Variants in MDH1B observed in about 807,000 individuals in gnomAD.
MDH1B encodes the protein putative malate dehydrogenase 1B.
Under a neutral mutation model 61.4 loss-of-function variants are expected in MDH1B, and 60 were observed. That is an observed-to-expected ratio of 0.98 (90% CI 0.79 to 1.21). The LOEUF is 1.21. Among genes scored for constraint, MDH1B ranks in the 50% most tolerant of loss-of-function variants. The pLI is 0.00. For missense variants in MDH1B, 587 were observed against 632.1 expected (o/e 0.93, Z 0.76); for synonymous variants, 236 against 218.7 (o/e 1.08, Z -0.70).
rs1027453952 is a variant in MDH1B at position 206,738,314 on chromosome 2, G to A, written c.*169C>T. The A allele has an allele frequency of 5.4e-5, 24 of 443,214 alleles. No individual in the cohort carries two copies. Among genetic ancestry groups the A allele is most frequent in the Admixed American group, 4.5e-4 (11 of 24,424 alleles). The allele number at this position is 443,214 out of a possible 1,614,324, so 27.5% of individuals were successfully genotyped here. On this transcript the variant is annotated 3_prime_UTR_variant, in exon 12 of 12. Coordinates refer to ENST00000374412, the MANE Select transcript of MDH1B (RefSeq NM_001039845.3). Reference sequence around the variant, plus strand: ...GTGGATACAAGTAATGCAAAATGACGGAACTCTGACCTCTGTGCTGTCACA... The same window carrying A: ...GTGGATACAAGTAATGCAAAATGACAGAACTCTGACCTCTGTGCTGTCACA...
chr2:206,739,052 T>C (rs1687657835), intron 11 of MDH1B, among the ~76,000 whole-genome samples: 1 of 152,194 alleles, frequency 6.6e-6, no homozygotes. Flanking sequence ...TGCAGATTAC[T>C]TGTGTCAATT....
chr2:206,742,537 C>A (rs770888144), intron 9 of MDH1B, among the ~76,000 whole-genome samples: 2 of 152,048 alleles, frequency 1.3e-5, no homozygotes, highest in Non-Finnish European at 2.9e-5. Context: ...GACGGCCTCC[C>A]CTGAGGCAGT....
chr2:206,753,469 C>CT (rs1471480079), intron 5 of MDH1B, among the ~76,000 whole-genome samples: 3 of 152,032 alleles, frequency 2.0e-5, no homozygotes, highest in Admixed American at 2.0e-4. Context: ...CGTGAGTTGA[C>CT]TTTTTTGCAA....
At chr2:206,750,286 CCAT>C (rs1265085315) in intron 6 of MDH1B, among the ~76,000 whole-genome samples, 13 of 151,144 alleles carry the variant, frequency 8.6e-5, no homozygotes, top group African/African-American at 3.2e-4. Context: ...TGGGAGTAAT[CCAT>C]TTTATCTTCC....
intron 1 of MDH1B, among the ~76,000 whole-genome samples, chr2:206,762,704 G>A (rs1689172134): frequency 6.6e-6 from 1 of 152,084 alleles, no homozygotes; most frequent in African/African-American, 2.4e-5. Context: ...CTCACCCACT[G>A]CAATGTAGCA....
rs373691192 is a variant in MDH1B, at chr2:206,755,219, G to A, written c.700C>T (p.Pro234Ser). 25 of 1,614,032 alleles carry A rather than the reference G, an allele frequency of 1.5e-5. 1 individual carries two copies. Among genetic ancestry groups the A allele is most frequent in the Non-Finnish European group, 1.9e-5 (22 of 1,180,018 alleles). Residue 234 changes from proline to serine, a missense_variant, in exon 5 of 12, where the codon CCT becomes TCT. By Grantham distance (74) the Pro-to-Ser change is moderately conservative. Coordinates refer to ENST00000374412, the MANE Select transcript of MDH1B (RefSeq NM_001039845.3). ...AGGTACCCATAGAGCCTGCAGAGAGGCACCCTGCTTCGGAGGCAGTCCTCC... is the reference window on the plus strand; with the variant it reads ...AGGTACCCATAGAGCCTGCAGAGAGACACCCTGCTTCGGAGGCAGTCCTCC... ...TLEDCLRSRV[P>S]LCRLYGYLIE...
intron 7 of MDH1B, among the ~76,000 whole-genome samples, chr2:206,747,156 C>CAA (rs34747849): frequency 7.9e-5 from 12 of 151,694 alleles, no homozygotes; most frequent in East Asian, 1.9e-4. Flanking sequence ...ATCACCAGGG[C>CAA]AAAAAAACAA....
Position 206,738,478 on chromosome 2 carries a change from ATC to A in MDH1B, c.*3_*4del, listed in dbSNP as rs1313045248. 3.2e-6 allele frequency: 5 copies of A among 1,572,340 alleles called. No individual in the cohort carries two copies. Among genetic ancestry groups the A allele is most frequent in the Non-Finnish European group, 3.5e-6 (4 of 1,152,282 alleles). On this transcript the variant is annotated 3_prime_UTR_variant, in exon 12 of 12. Transcript: ENST00000374412. ...GTAATTATATATTTCATCCAATTTG[ATC>A]TGTTAGGATTCCACGGTTTTGCCTT... is the stretch of plus-strand genomic sequence containing the variant.
At chr2:206,741,848 T>C (rs990979796) in intron 9 of MDH1B, among the ~76,000 whole-genome samples, 1 of 152,166 alleles carries the variant, frequency 6.6e-6, no homozygotes, top group Admixed American at 6.5e-5. Context: ...CTGCTTAGTA[T>C]GATTCGACCT....
intron 11 of MDH1B, among the ~76,000 whole-genome samples, chr2:206,738,938 A>T (rs1263113993): frequency 6.6e-6 from 1 of 152,146 alleles, no homozygotes; most frequent in African/African-American, 2.4e-5. Context: ...TGGACATTTA[A>T]ATAAAAGGGT....
intron 10 of MDH1B, 78 bp downstream of exon 10, chr2:206,740,976 C>T: frequency 6.3e-7 from 1 of 1,590,842 alleles, no homozygotes; most frequent in Non-Finnish European, 8.6e-7. Context: ...TAGACCATAA[C>T]ATTATTCTCT....
chr2:206,755,689 C>G (rs748716198), intron 4 of MDH1B, among the ~76,000 whole-genome samples, 184 bp from the exon 5 acceptor site: 1 of 152,124 alleles, frequency 6.6e-6, no homozygotes, highest in Non-Finnish European at 1.5e-5. Context: ...TTCTCACTAC[C>G]AATCCCTTGC....
intron 9 of MDH1B, among the ~76,000 whole-genome samples, chr2:206,742,143 C>T (rs1687848531): frequency 6.6e-6 from 1 of 152,156 alleles, no homozygotes; most frequent in Admixed American, 6.5e-5. Flanking sequence ...GATACTGAGC[C>T]TCAAATCTGC....
In MDH1B at chr2:206,755,463, C is replaced by T. The variant is rs376540614; in HGVS notation, c.456G>A (p.Thr152=). The part of the protein sequence containing the change: ...PACYNLIPIL[T]SGEVFGMHTE... ...TATGCATCCCAAACACTTCGCCACT[C>T]GTCAATATGGGAATTAGGTTGTAGC... Residue 152 remains threonine (T), a synonymous_variant, in exon 5 of 12, where the codon ACG becomes ACA. Coordinates refer to ENST00000374412, the MANE Select transcript of MDH1B (RefSeq NM_001039845.3). 53 of 1,613,954 alleles carry T rather than the reference C, an allele frequency of 3.3e-5. No individual in the cohort carries two copies. The highest frequency in any genetic ancestry group is 3.2e-4 in the African/African-American group (24 of 75,048).
chr2:206,763,749 GT>G (rs1689247298), intron 1 of MDH1B, among the ~76,000 whole-genome samples: 2 of 152,020 alleles, frequency 1.3e-5, no homozygotes, highest in Non-Finnish European at 2.9e-5. Flanking sequence ...CACCAAACTA[GT>G]TCTCCTTGCT....
rs775463895 is a variant in MDH1B at position 206,757,307 on chromosome 2, C to T, written c.200G>A (p.Arg67Lys). ...WSHKNSPIIWRELLDRGGKGL... is the reference protein window; with the variant it reads ...WSHKNSPIIWKELLDRGGKGL... ...CTTTCCTCCACGATCCAACAGCTCTCTCCAGATGATAGGGGAATTCTTGTG... is the reference window on the plus strand; with the variant it reads ...CTTTCCTCCACGATCCAACAGCTCTTTCCAGATGATAGGGGAATTCTTGTG... The change falls in exon 3 of 12, where the codon AGA becomes AAA. Residue 67 changes from arginine (R) to lysine (K), a missense_variant. Physicochemically the swap from Arg to Lys is conservative, Grantham distance 26. Coordinates refer to ENST00000374412, the MANE Select transcript of MDH1B (RefSeq NM_001039845.3). 2.5e-6 allele frequency: 4 copies of T among 1,614,016 alleles called. No individual in the cohort carries two copies. The Admixed American group carries it at 6.7e-5, about 27-fold the overall frequency.
intron 9 of MDH1B, among the ~76,000 whole-genome samples, chr2:206,741,552 C>T (rs1055359259): frequency 6.6e-6 from 1 of 152,208 alleles, no homozygotes; most frequent in Middle Eastern, 3.2e-3. Context: ...ATTTTTCTCC[C>T]ATGCTGGATG....
intron 11 of MDH1B, among the ~76,000 whole-genome samples, chr2:206,739,184 A>C (rs1336386443): frequency 6.6e-6 from 1 of 152,140 alleles, no homozygotes; most frequent in African/African-American, 2.4e-5. Flanking sequence ...GGAAGGCCAA[A>C]GTGGATGGTC....
At chr2:206,754,876 T>C (rs1413311488) in intron 5 of MDH1B, 133 bp downstream of exon 5, 3 of 1,023,372 alleles carry the variant, frequency 2.9e-6, no homozygotes, top group African/African-American at 1.6e-5. Context: ...ACACAATAAG[T>C]TCTTTATGTC....
Sources: allele counts gnomAD v4.1 joint callset (sites outside exome capture counted in the v4.1 genomes callset), GRCh38; gene constraint gnomAD v4.1.1; transcripts MANE v1.5; gene names NCBI Gene and HGNC (gene_info 2026-07-23, HGNC 2026-07-21).